Variants in DST observed in about 807,000 individuals in gnomAD.
DST encodes the protein dystonin.
Under a neutral mutation model 875.2 loss-of-function variants are expected in DST, and 253 were observed. The observed-to-expected ratio is 0.29, with a 90% CI of 0.26 to 0.32. The LOEUF (loss-of-function observed/expected upper bound fraction) is 0.32. DST is among the 10% of genes least tolerant of loss of function. The pLI is 1.00. For synonymous variants in DST, 3,124 were observed against 3,197.1 expected, an observed-to-expected ratio of 0.98 and a Z score of 0.77; for missense variants, 8,287 against 9,111.6, an observed-to-expected ratio of 0.91 and a Z score of 3.68.
chr6:56,521,875 G>T (rs911354048), intron 69 of DST, among the ~76,000 whole-genome samples: 1 of 152,028 alleles, frequency 6.6e-6, no homozygotes, highest in Non-Finnish European at 1.5e-5. Context: ...AACATGGAGA[G>T]AAATACACTA....
chr6:56,700,973 T>C (rs920595283), intron 8 of DST, among the ~76,000 whole-genome samples: 1 of 148,270 alleles, frequency 6.7e-6, no homozygotes, highest in East Asian at 1.9e-4. Context: ...TCCCCCTTTT[T>C]CTCTTGCCTT....
chr6:56,700,988 T>TC (rs2099300779), intron 8 of DST, among the ~76,000 whole-genome samples: 1 of 150,078 alleles, frequency 6.7e-6, no homozygotes, highest in Admixed American at 6.6e-5. Context: ...TGCCTTTTTT[T>TC]TTTTTTTTTG....
At chr6:56,623,799 A>G (rs1034497891) in intron 36 of DST, among the ~76,000 whole-genome samples, 1 of 152,180 alleles carries the variant, frequency 6.6e-6, no homozygotes, top group Non-Finnish European at 1.5e-5. Flanking sequence ...TTTAGATTAC[A>G]TACAAGAGCC....
chr6:56,608,552 T>G lies in DST; in HGVS notation c.6076A>C (p.Thr2026Pro). The change falls in exon 40 of 104, where the codon ACA (threonine) becomes CCA (proline). Residue 2026 changes from threonine (T) to proline (P), a missense_variant. Physicochemically the swap from Thr to Pro is conservative, Grantham distance 38. Around this residue, in one of 10 missense-constraint regions of DST, gnomAD observed 3,138 missense variants for 3,116.6 expected, o/e 1.01. Transcript: ENST00000680361. Reference protein sequence around the residue: ...IDRDTASSILTYQVQTGGIIQ... With the variant: ...IDRDTASSILPYQVQTGGIIQ... ...ATTCCACCAGTTTGAACCTGATATG[T>G]GAGGATACTGCTAGCAGTGTCCCTG... 1 of 1,613,512 alleles carries G rather than the reference T, an allele frequency of 6.2e-7. No homozygotes were observed. The highest frequency in any genetic ancestry group is 8.5e-7 in the Non-Finnish European group (1 of 1,179,720).
chr6:56,535,862 T>C (rs1310554757), intron 62 of DST, among the ~76,000 whole-genome samples: 3 of 152,236 alleles, frequency 2.0e-5, no homozygotes, highest in Non-Finnish European at 2.9e-5. Flanking sequence ...AGAGATATCT[T>C]ATTGCTTGTC....
chr6:56,642,629 C>T (rs771768034), intron 15 of DST, 126 bp from the exon 16 acceptor site: 2 of 1,614,086 alleles, frequency 1.2e-6, no homozygotes, highest in East Asian at 4.5e-5. Flanking sequence ...TACCTGTGTC[C>T]ATCAAAGGAT....
At chr6:56,787,377 G>C (rs1234588162) in intron 4 of DST, among the ~76,000 whole-genome samples, 1 of 152,188 alleles carries the variant, frequency 6.6e-6, no homozygotes, top group Non-Finnish European at 1.5e-5. Context: ...AGCCAGGGCC[G>C]CTCAAACAGC....
chr6:56,486,319 C>A (rs1033215168), intron 87 of DST, among the ~76,000 whole-genome samples: 14 of 146,218 alleles, frequency 9.6e-5, no homozygotes, highest in Non-Finnish European at 2.1e-4. Flanking sequence ...GCCGAGATCC[C>A]GCCACTGCAC....
intron 86 of DST, among the ~76,000 whole-genome samples, chr6:56,488,940 G>T (rs965188960): frequency 1.3e-5 from 2 of 152,144 alleles, no homozygotes; most frequent in Non-Finnish European, 2.9e-5. Context: ...GTTTCTACAT[G>T]CTTTTCTAGT....
intron 17 of DST, among the ~76,000 whole-genome samples, chr6:56,641,021 A>G (rs976215971): frequency 6.6e-6 from 1 of 152,148 alleles, no homozygotes; most frequent in South Asian, 2.1e-4. Context: ...ATTTATGTAT[A>G]TATTTTTCAT....
Position 56,627,208 on chromosome 6 carries a change from A to T in DST, c.4718T>A (p.Val1573Glu), listed in dbSNP as rs2098742962. ...AAAGTTAATGAATCTTCCTACCTTC[A>T]CTGTAGCTGAGTACTGTTCTGCATA... ...QKYAEQYSAT[V>E]KDYELQTMTY... Residue 1573 changes from valine to glutamate, a missense_variant, in exon 34 of 104, where the codon GTG (valine) becomes GAG (glutamate). By Grantham distance (121) the Val-to-Glu change is moderately radical. Coordinates refer to ENST00000680361, the MANE Select transcript of DST (RefSeq NM_001374736.1). The T allele has an allele frequency of 6.2e-7, 1 of 1,608,498 alleles. No homozygotes were observed. Among genetic ancestry groups the T allele is most frequent in the Non-Finnish European group, 8.5e-7 (1 of 1,175,798 alleles).
chr6:56,549,926 C>T (rs146079476), intron 61 of DST, among the ~76,000 whole-genome samples: 19 of 152,242 alleles, frequency 1.2e-4, no homozygotes, highest in African/African-American at 1.7e-4. Flanking sequence ...TGACACTATC[C>T]GTGTGACCTT....
chr6:56,766,467 T>C (rs1192996585), intron 4 of DST, among the ~76,000 whole-genome samples: 2 of 151,994 alleles, frequency 1.3e-5, no homozygotes, highest in Non-Finnish European at 2.9e-5. Context: ...GCTGTCTTTC[T>C]AAAGCTTGCA....
intron 69 of DST, among the ~76,000 whole-genome samples, chr6:56,519,692 G>A (rs145567319): frequency 4.9e-4 from 75 of 152,134 alleles, no homozygotes; most frequent in Non-Finnish European, 9.3e-4. Flanking sequence ...CAGAAATGAC[G>A]AGCCATCTCC....
At chr6:56,547,148 A>G (rs1371103476) in intron 61 of DST, among the ~76,000 whole-genome samples, 2 of 152,128 alleles carry the variant, frequency 1.3e-5, no homozygotes. Context: ...CCTTTCCGAG[A>G]AGTATGGTAT....
intron 4 of DST, among the ~76,000 whole-genome samples, chr6:56,791,826 C>A (rs982923821): frequency 4.6e-5 from 7 of 151,330 alleles, no homozygotes; most frequent in African/African-American, 1.7e-4. Flanking sequence ...AGAAAGCTAT[C>A]TATTTCCTAG....
chr6:56,804,070 A>G lies in DST; in HGVS notation c.625+47327T>C, dbSNP rs547630719. On this transcript the variant is annotated intron_variant, in intron 4 of 103. Coordinates refer to ENST00000680361, the MANE Select transcript of DST (RefSeq NM_001374736.1). Reference sequence around the variant, plus strand: ...CTATCTTTACTGCGTAAATTTGAATATACTGTTTAAATCATAGATTTCATT... The same window carrying G: ...CTATCTTTACTGCGTAAATTTGAATGTACTGTTTAAATCATAGATTTCATT... Among the ~76,000 whole-genome samples the G allele has an allele frequency of 1.1e-4, 16 of 152,350 alleles. No individual in the cohort carries two copies. In the South Asian group the frequency reaches 1.2e-3, roughly 12 times the overall value.
At chr6:56,789,898 C>T (rs189878273) in intron 4 of DST, among the ~76,000 whole-genome samples, 51 of 152,330 alleles carry the variant, frequency 3.3e-4, no homozygotes, top group African/African-American at 1.2e-3. Context: ...AATAACGCTG[C>T]TATGTACAAT....
intron 3 of DST, among the ~76,000 whole-genome samples, chr6:56,858,023 T>C (rs756471130): frequency 6.6e-6 from 1 of 152,230 alleles, no homozygotes; most frequent in Non-Finnish European, 1.5e-5. Flanking sequence ...ATGAAATCTT[T>C]TATCAAATAA....
Sources: allele counts gnomAD v4.1 joint callset (sites outside exome capture counted in the v4.1 genomes callset), GRCh38; gene constraint gnomAD v4.1.1; regional missense constraint gnomAD v4.1.1; transcripts MANE v1.5; gene names NCBI Gene and HGNC (gene_info 2026-07-23, HGNC 2026-07-21).